MYH10: variants seen among roughly 807,000 people sequenced by gnomAD.
MYH10 encodes myosin heavy chain 10, also known as myosin-10.
MYH10 carries 55 observed loss-of-function variants against 257.8 expected under a neutral mutation model. The observed-to-expected ratio is 0.21, with a 90% CI of 0.17 to 0.27. The LOEUF is 0.27. Ranked by LOEUF, MYH10 falls within the 10% of genes least tolerant of loss-of-function variation. The probability of loss-of-function intolerance (pLI) is 1.00; values close to 1 mark genes in which losing one functional copy is unlikely to be tolerated. For missense variants in MYH10, 1,631 were observed against 2,500.6 expected (o/e 0.65, Z 7.42); for synonymous variants, 854 against 921.7 (o/e 0.93, Z 1.33).
intron 16 of MYH10, among the ~76,000 whole-genome samples, chr17:8,532,677 T>C (rs2082037184): frequency 6.6e-6 from 1 of 152,152 alleles, no homozygotes; most frequent in African/African-American, 2.4e-5. Flanking sequence ...AAGGAGGAAG[T>C]AGGAAGCTGG....
At position 8,477,095 on chromosome 17, in the gene MYH10, G is replaced by T; in HGVS notation, c.5707-47C>A. The T allele has an allele frequency of 6.2e-7, 1 of 1,606,516 alleles. No homozygotes were observed. Among genetic ancestry groups the T allele is most frequent in the East Asian group, 2.2e-5 (1 of 44,740 alleles). ...AAAACAAACCAAACTGGTGAATCCA[G>T]TGTCGGCCTCTCTGTACCCCGAGCG... On this transcript the variant is annotated intron_variant, in intron 41 of 42. Coordinates refer to ENST00000360416, the MANE Select transcript of MYH10 (RefSeq NM_001256012.3). The surrounding 1 kb of genome is among the most constrained non-coding windows in gnomAD (Gnocchi z 4.2).
intron 28 of MYH10, among the ~76,000 whole-genome samples, chr17:8,502,235 TC>T: frequency 6.6e-6 from 1 of 152,180 alleles, no homozygotes; most frequent in African/African-American, 2.4e-5. Context: ...GGCTGAGAGA[TC>T]CCTGTGCCAA....
intron 14 of MYH10, among the ~76,000 whole-genome samples, chr17:8,539,255 G>A (rs545292986): frequency 2.6e-5 from 4 of 152,178 alleles, no homozygotes; most frequent in Admixed American, 1.3e-4. Flanking sequence ...TAGGACACTC[G>A]CCAAATAACT....
intron 4 of MYH10, among the ~76,000 whole-genome samples, chr17:8,578,979 A>G (rs755048970): frequency 2.0e-5 from 3 of 152,182 alleles, no homozygotes; most frequent in Admixed American, 6.5e-5. Context: ...CTTTCTTGGA[A>G]TTGTACTTAG....
At chr17:8,629,773 C>G (rs1346916656) in intron 1 of MYH10, among the ~76,000 whole-genome samples, 1 of 152,088 alleles carries the variant, frequency 6.6e-6, no homozygotes, top group African/African-American at 2.4e-5. Context: ...CTGCAGCGCG[C>G]CCCGCCACAT....
chr17:8,601,813 T>C (rs925361163), intron 3 of MYH10, among the ~76,000 whole-genome samples: 2 of 152,120 alleles, frequency 1.3e-5, no homozygotes, highest in African/African-American at 4.8e-5. Flanking sequence ...TAAAATCCAA[T>C]TTAAAAAAAA....
chr17:8,484,147 T>C lies in MYH10; in HGVS notation c.5166A>G (p.Gln1722=), dbSNP rs756035906. 20 of 1,594,830 alleles carry C rather than the reference T, an allele frequency of 1.3e-5. No individual in the cohort carries two copies. The highest frequency in any genetic ancestry group is 3.3e-4 in the Middle Eastern group (2 of 6,004). ...KLKSLEAEIL[Q]LQEELASSER... ...TAAGTAACAAACCAACCTCCTGCAATTGAAGGATTTCTGCTTCCAGACTCT... is the reference window on the plus strand; with the variant it reads ...TAAGTAACAAACCAACCTCCTGCAACTGAAGGATTTCTGCTTCCAGACTCT... Residue 1722 remains glutamine, a synonymous_variant, in exon 37 of 43, where the codon CAA becomes CAG. Coordinates refer to ENST00000360416, the MANE Select transcript of MYH10 (RefSeq NM_001256012.3).
At chr17:8,609,557 G>A (rs574862702) in intron 2 of MYH10, among the ~76,000 whole-genome samples, 5 of 152,028 alleles carry the variant, frequency 3.3e-5, no homozygotes, top group Non-Finnish European at 7.4e-5. Flanking sequence ...ACAGAATATA[G>A]TATAACATAG....
Position 8,580,217 on chromosome 17 carries a change from C to G in MYH10, c.531-2879G>C, listed in dbSNP as rs150127211. Among the ~76,000 whole-genome samples, 9 of 152,184 alleles carry G rather than the reference C, an allele frequency of 5.9e-5. 1 individual carries two copies. In the East Asian group the frequency reaches 1.7e-3, roughly 29 times the overall value. ...TTCAGTCGTTCTGAAACGTGACTAA[C>G]CAGAGCACCCACCATCATCCTTCTT... On this transcript the variant is annotated intron_variant, in intron 4 of 42. Coordinates refer to ENST00000360416, the MANE Select transcript of MYH10 (RefSeq NM_001256012.3).
intron 6 of MYH10, chr17:8,573,961 C>G (rs2083424886): frequency 3.9e-6 from 1 of 255,918 alleles, no homozygotes; most frequent in Non-Finnish European, 6.1e-6. Context: ...GTGGCAATGT[C>G]AAATGGTGCA....
Position 8,623,071 on chromosome 17 carries a change from A to G in MYH10, c.176T>C (p.Met59Thr). The G allele has an allele frequency of 3.1e-6, 5 of 1,614,112 alleles. No homozygotes were observed. Among genetic ancestry groups the G allele is most frequent in the Non-Finnish European group, 4.2e-6 (5 of 1,180,034 alleles). Residue 59 changes from methionine (M) to threonine (T), a missense_variant, in exon 2 of 43, where the codon ATG becomes ACG. Transcript: ENST00000360416. ...SIKEERGDEV[M>T]VELAENGKKA... Reference sequence around the variant, plus strand: ...CTTTCCATTCTCTGCCAACTCCACCATAACTTCATCTCCCCGTTCTTCTTT... The same window carrying G: ...CTTTCCATTCTCTGCCAACTCCACCGTAACTTCATCTCCCCGTTCTTCTTT...
In MYH10 at chr17:8,535,259, C is replaced by A; in HGVS notation, c.1894+128G>T. The A allele has an allele frequency of 1.5e-6, 1 of 647,726 alleles. No homozygotes were observed. Among genetic ancestry groups the A allele is most frequent in the East Asian group, 2.8e-5 (1 of 35,832 alleles). The allele number at this position is 647,726 out of a possible 1,614,324, so 40.1% of individuals were successfully genotyped here. ...AAATTCCGATATAACGGCAGCCCTGCTCTAGGGAAAGAAAGATTTTAAAGT... is the reference window on the plus strand; with the variant it reads ...AAATTCCGATATAACGGCAGCCCTGATCTAGGGAAAGAAAGATTTTAAAGT... On this transcript the variant is annotated intron_variant, in intron 16 of 42. Transcript: ENST00000360416. The surrounding 1 kb of genome is among the most constrained non-coding windows in gnomAD (Gnocchi z 4.3).
intron 2 of MYH10, among the ~76,000 whole-genome samples, chr17:8,615,163 C>G (rs1295368925): frequency 6.6e-6 from 1 of 151,854 alleles, no homozygotes; most frequent in African/African-American, 2.4e-5. Context: ...GGTGTGGTCC[C>G]AGCTACTTGG....
chr17:8,593,445 CA>C (rs555196914), intron 3 of MYH10, among the ~76,000 whole-genome samples: 2 of 130,480 alleles, frequency 1.5e-5, no homozygotes, highest in Non-Finnish European at 3.4e-5. Flanking sequence ...AACAAACAAA[CA>C]AAAAAACCCT....
intron 3 of MYH10, among the ~76,000 whole-genome samples, chr17:8,589,462 C>T (rs959361565): frequency 6.6e-6 from 1 of 152,204 alleles, no homozygotes; most frequent in African/African-American, 2.4e-5. Flanking sequence ...CTCCACCTCA[C>T]TAAATCATTC....
intron 3 of MYH10, among the ~76,000 whole-genome samples, chr17:8,592,958 T>TATATATATATATAA: frequency 8.5e-6 from 1 of 118,096 alleles, no homozygotes; most frequent in Non-Finnish European, 1.8e-5. Context: ...TATATATATA[T>TATATATATATATAA]ATATATATAT....
chr17:8,574,857 C>G (rs556419717), intron 6 of MYH10, among the ~76,000 whole-genome samples: 1 of 152,214 alleles, frequency 6.6e-6, no homozygotes, highest in African/African-American at 2.4e-5. Flanking sequence ...GGACACCCAG[C>G]AGGGGGAGAA....
At chr17:8,577,521 A>G (rs1259928977) in intron 4 of MYH10, among the ~76,000 whole-genome samples, 183 bp from the exon 5 acceptor site, 6 of 152,204 alleles carry the variant, frequency 3.9e-5, no homozygotes, top group African/African-American at 1.4e-4. Context: ...GTATTAAATA[A>G]TAAACCCAAA....
At chr17:8,603,464 A>G (rs894300654) in intron 3 of MYH10, among the ~76,000 whole-genome samples, 8 of 152,190 alleles carry the variant, frequency 5.3e-5, no homozygotes. Flanking sequence ...ATCTTTCTGG[A>G]AACTCCCCTT....
Sources: gnomAD v4.1 joint callset for allele counts (sites outside exome capture counted in the v4.1 genomes callset) on GRCh38, gnomAD v4.1.1 for gene constraint, Gnocchi (gnomAD v3.1) non-coding constraint, MANE v1.5 for transcripts, NCBI Gene and HGNC (gene_info 2026-07-23, HGNC 2026-07-21) for gene names.